PTPRN2: variants seen among roughly 807,000 people sequenced by gnomAD.
PTPRN2 encodes the protein receptor-type tyrosine-protein phosphatase N2.
In PTPRN2, 74 loss-of-function variants were observed where a neutral mutation model predicts 118.8. The ratio of observed to expected loss-of-function variants is 0.62; its 90% CI spans 0.52 to 0.76. The LOEUF is 0.76. Among genes scored for constraint, PTPRN2 ranks in the 30% least tolerant of loss-of-function variants. The pLI, the probability that PTPRN2 is intolerant of heterozygous loss-of-function variation, is 0.00. For synonymous variants in PTPRN2, 641 were observed against 608.0 expected (o/e 1.05, Z -0.80); for missense variants, 1,481 against 1,394.4 (o/e 1.06, Z -0.99).
At chr7:158,249,331 C>T (rs1267351523) in intron 3 of PTPRN2, among the ~76,000 whole-genome samples, 16 of 148,524 alleles carry the variant, frequency 1.1e-4, no homozygotes, top group Non-Finnish European at 4.4e-5. Context: ...TGCACACACC[C>T]TGCATGCACA....
In PTPRN2 at chr7:157,714,850, G is replaced by A. The variant is rs562240654; in HGVS notation, c.1789-31913C>T. Among the ~76,000 whole-genome samples, 96 of 151,536 alleles carry A rather than the reference G, an allele frequency of 6.3e-4. 1 individual carries two copies. The South Asian group carries it at 0.01, about 16-fold the overall frequency. ...TGGGGAACGGCACTGAGCTTGAGGC[G>A]CTTCTCCTGAGCAGATTCTAGGTCT... On this transcript the variant is annotated intron_variant, in intron 12 of 22. Coordinates refer to ENST00000389418, the MANE Select transcript of PTPRN2 (RefSeq NM_002847.5).
In PTPRN2 at chr7:157,634,584, G is replaced by A. The variant is rs138947614; in HGVS notation, c.2197-13075C>T. Among the ~76,000 whole-genome samples the A allele has an allele frequency of 1.4e-3, 213 of 152,304 alleles. 1 individual carries two copies. The highest frequency in any genetic ancestry group is 4.8e-3 in the African/African-American group (200 of 41,564). ...GGTGCCTGTGTGCACACAGGGCTGCGTTGTCAATGCATCGCGACCGGGCAT... is the reference window on the plus strand; with the variant it reads ...GGTGCCTGTGTGCACACAGGGCTGCATTGTCAATGCATCGCGACCGGGCAT... On this transcript the variant is annotated intron_variant, in intron 14 of 22. Coordinates refer to ENST00000389418, the MANE Select transcript of PTPRN2 (RefSeq NM_002847.5).
At chr7:158,155,758 C>T (rs78310304) in intron 6 of PTPRN2, among the ~76,000 whole-genome samples, 22 of 137,314 alleles carry the variant, frequency 1.6e-4, no homozygotes, top group African/African-American at 5.3e-4. Flanking sequence ...CCATCACCAT[C>T]ATCATCACCA....
At chr7:157,896,606 C>T (rs1006923230) in intron 12 of PTPRN2, among the ~76,000 whole-genome samples, 14 of 151,320 alleles carry the variant, frequency 9.3e-5, no homozygotes, top group African/African-American at 3.4e-4. Context: ...AGTGGGCAGC[C>T]GGGGAGGTGC....
At chr7:158,334,445 C>T (rs1410681124) in intron 2 of PTPRN2, among the ~76,000 whole-genome samples, 1 of 62,236 alleles carries the variant, frequency 1.6e-5, no homozygotes, top group Non-Finnish European at 3.6e-5. Context: ...CACACTCTCA[C>T]CATAAGAGGT....
chr7:158,149,498 A>G (rs561555779), intron 6 of PTPRN2, among the ~76,000 whole-genome samples: 1 of 151,978 alleles, frequency 6.6e-6, no homozygotes, highest in Non-Finnish European at 1.5e-5. Context: ...CAATTAACTC[A>G]CTGATTTTTA....
intron 12 of PTPRN2, among the ~76,000 whole-genome samples, chr7:157,846,701 C>T (rs1334308472): frequency 6.6e-6 from 1 of 151,920 alleles, no homozygotes; most frequent in African/African-American, 2.4e-5. Flanking sequence ...CCCTCTCTCA[C>T]TCCATCATGC....
chr7:157,874,165 G>T lies in PTPRN2; in HGVS notation c.1788+24508C>A, dbSNP rs915580092. Among the ~76,000 whole-genome samples, 2 of 152,148 alleles carry T rather than the reference G, an allele frequency of 1.3e-5. No individual in the cohort carries two copies. The highest frequency in any genetic ancestry group is 4.8e-5 in the African/African-American group (2 of 41,432). On this transcript the variant is annotated intron_variant, in intron 12 of 22. Coordinates refer to ENST00000389418, the MANE Select transcript of PTPRN2 (RefSeq NM_002847.5). This position sits in a 1 kb window ranked among gnomAD's most constrained non-coding sequence, Gnocchi z 5.8. ...TAGCTCCAGCCTTGTCCTGCGGAAG[G>T]TGCTGAAGCGGCCCTCAGTCTGCCT...
chr7:158,410,984 A>AGACACAGGGAAGG (rs1814029531), intron 2 of PTPRN2, among the ~76,000 whole-genome samples: 4 of 152,180 alleles, frequency 2.6e-5, no homozygotes, highest in African/African-American at 7.2e-5. Context: ...CCAGACATGG[A>AGACACAGGGAAGG]GCGTGAGTAG....
intron 3 of PTPRN2, among the ~76,000 whole-genome samples, chr7:158,302,352 A>G (rs1433409436): frequency 3.3e-5 from 5 of 152,194 alleles, no homozygotes; most frequent in African/African-American, 1.2e-4. Context: ...CTCATGTGGG[A>G]CACAAAGGCC....
chr7:158,329,552 A>T lies in PTPRN2; in HGVS notation c.164-12620T>A, dbSNP rs150480858. ...GAGGAGGCACCGTCGATGAGCCAGG[A>T]GGGGACTCGCCAGACACCAGACGTC... On this transcript the variant is annotated intron_variant, in intron 2 of 22. Transcript: ENST00000389418. Among the ~76,000 whole-genome samples the T allele has an allele frequency of 4.9e-4, 74 of 152,282 alleles. No individual in the cohort carries two copies. The East Asian group carries it at 0.012, about 24-fold the overall frequency.
In PTPRN2 at chr7:157,591,397, C is replaced by G. The variant is rs1052986807; in HGVS notation, c.2496+3841G>C. On this transcript the variant is annotated intron_variant, in intron 17 of 22. Coordinates refer to ENST00000389418, the MANE Select transcript of PTPRN2 (RefSeq NM_002847.5). The surrounding 1 kb of genome is among the most constrained non-coding windows in gnomAD (Gnocchi z 4.4). ...TGATCCATAACCTTCAGTCTGTGTCCCGATCCTTGGTCAGCATCTGAGAAT... is the reference window on the plus strand; with the variant it reads ...TGATCCATAACCTTCAGTCTGTGTCGCGATCCTTGGTCAGCATCTGAGAAT... Among the ~76,000 whole-genome samples, 1 of 152,158 alleles carries G rather than the reference C, an allele frequency of 6.6e-6. No individual in the cohort carries two copies. The highest frequency in any genetic ancestry group is 1.5e-5 in the Non-Finnish European group (1 of 68,032).
rs377365440 is a variant in PTPRN2, at chr7:157,539,395, G to C, written c.*1319C>G. 6.6e-6 allele frequency: 1 copy of C among 152,038 alleles called. No homozygotes were observed. Among genetic ancestry groups the C allele is most frequent in the African/African-American group, 2.4e-5 (1 of 41,260 alleles). 9.4% of individuals were successfully genotyped at this position (152,038 alleles called of 1,614,324 possible). ...GGAATGCTGTGGGAAGGGCGGGATG[G>C]AGGTGCGTTTTCTACGCTGAACCCC... On this transcript the variant is annotated 3_prime_UTR_variant, in exon 23 of 23. Coordinates refer to ENST00000389418, the MANE Select transcript of PTPRN2 (RefSeq NM_002847.5).
At chr7:158,326,012 CCAGAGCCTAGAAA>C (rs1449428501) in intron 2 of PTPRN2, among the ~76,000 whole-genome samples, 1 of 152,144 alleles carries the variant, frequency 6.6e-6, no homozygotes, top group African/African-American at 2.4e-5. Context: ...GGCACTGAAC[CCAGAGCCTAGAAA>C]CAGCAACGTT....
At chr7:158,317,240 TA>T (rs566824550) in intron 2 of PTPRN2, among the ~76,000 whole-genome samples, 78 of 152,354 alleles carry the variant, frequency 5.1e-4, no homozygotes, top group African/African-American at 1.7e-3. Flanking sequence ...ATTTTTTATG[TA>T]AAACTTGCCT....
chr7:157,575,112 T>C (rs1347515631), intron 19 of PTPRN2, among the ~76,000 whole-genome samples: 3 of 152,204 alleles, frequency 2.0e-5, no homozygotes, highest in Non-Finnish European at 2.9e-5. Context: ...CCCGTCCATA[T>C]ATGGATATGG....
chr7:158,503,730 G>T (rs1222645002), intron 1 of PTPRN2, among the ~76,000 whole-genome samples: 2 of 152,238 alleles, frequency 1.3e-5, no homozygotes, highest in Non-Finnish European at 2.9e-5. Context: ...GCCAGCCACG[G>T]TGGCTCACGC....
At chr7:158,385,330 G>A (rs951802556) in intron 2 of PTPRN2, among the ~76,000 whole-genome samples, 1 of 152,092 alleles carries the variant, frequency 6.6e-6, no homozygotes, top group African/African-American at 2.4e-5. Context: ...CAATTGAACC[G>A]ATGAAGATGT....
At chr7:158,316,789 C>G in intron 3 of PTPRN2, 30 bp downstream of exon 3, 1 of 1,538,540 alleles carries the variant, frequency 6.5e-7, no homozygotes. Context: ...AGTGCGGCAG[C>G]CGCCGAGCCT....
Sources: gnomAD v4.1 joint callset for allele counts (sites outside exome capture counted in the v4.1 genomes callset) on GRCh38, gnomAD v4.1.1 for gene constraint, Gnocchi (gnomAD v3.1) non-coding constraint, MANE v1.5 for transcripts, NCBI Gene and HGNC (gene_info 2026-07-23, HGNC 2026-07-21) for gene names.